The following ENTPD5 variants were observed in gnomAD, a reference collection of about 807,000 sequenced individuals.
ENTPD5 encodes the protein nucleoside diphosphate phosphatase ENTPD5.
A neutral mutation model predicts 60.2 loss-of-function variants in ENTPD5; 49 were observed. The ratio of observed to expected loss-of-function variants is 0.81; its 90% CI spans 0.65 to 1.03. ENTPD5 has a LOEUF of 1.03. ENTPD5 is among the 50% of genes least tolerant of loss of function. The probability of loss-of-function intolerance (pLI) is 0.00; values close to 1 mark genes in which losing one functional copy is unlikely to be tolerated. For missense variants in ENTPD5, 480 were observed against 507.6 expected (o/e 0.95, Z 0.52); for synonymous variants, 187 against 185.4 (o/e 1.01, Z -0.07).
At position 73,964,961 on chromosome 14, in the gene ENTPD5, A is replaced by G. The variant is rs2056913851; in HGVS notation, c.*1967T>C. The G allele has an allele frequency of 6.6e-6, 1 of 152,240 alleles. No individual in the cohort carries two copies. Among genetic ancestry groups the G allele is most frequent in the Non-Finnish European group, 1.5e-5 (1 of 68,032 alleles). 9.4% of individuals were successfully genotyped at this position (152,240 alleles called of 1,614,324 possible). A position where few individuals can be genotyped will look rare whatever the true frequency, so the allele number is the denominator to read the frequency against. On this transcript the variant is annotated 3_prime_UTR_variant, in exon 16 of 16. Coordinates refer to ENST00000334696, the MANE Select transcript of ENTPD5 (RefSeq NM_001249.5). ...TGTTAGAAATTCTAGGGAATTCTGC[A>G]CTGAGTACAACATTGGATTATTTCT... is the stretch of plus-strand genomic sequence containing the variant.
At chr14:74,012,413 C>T (rs1031648385) in intron 2 of ENTPD5, among the ~76,000 whole-genome samples, 2 of 152,136 alleles carry the variant, frequency 1.3e-5, no homozygotes, top group Admixed American at 1.3e-4. Context: ...AGCTGGGACT[C>T]ATTCATCTTT....
chr14:73,966,521 G>A lies in ENTPD5; in HGVS notation c.*407C>T. ...AGGTGGGTGCAGATAAGGGTGGGCA[G>A]GGCACTGTATAGGGAGGAAAAAAAT... On this transcript the variant is annotated 3_prime_UTR_variant, in exon 16 of 16. Transcript: ENST00000334696. The A allele has an allele frequency of 6.5e-6, 1 of 154,902 alleles. No homozygotes were observed. The highest frequency in any genetic ancestry group is 1.4e-5 in the Non-Finnish European group (1 of 69,760). 9.6% of individuals were successfully genotyped at this position (154,902 alleles called of 1,614,324 possible).
chr14:73,986,955 G>A, intron 4 of ENTPD5, 62 bp from the exon 5 acceptor site: 5 of 1,221,382 alleles, frequency 4.1e-6, no homozygotes, highest in Non-Finnish European at 6.1e-6. Flanking sequence ...GGCTGCTTCA[G>A]ATGCTGGGCT....
chr14:73,976,015 T>C lies in ENTPD5; in HGVS notation c.643A>G (p.Lys215Glu). ...CCCCTAGGAGTTTGTTCCAGAGTTT[T>C]CTGCAAATCAGAAAAAGCAAAAAGA... ...TQITFLPQFEKTLEQTPRGYL... is the reference protein window; with the variant it reads ...TQITFLPQFEETLEQTPRGYL... The change falls in exon 10 of 16, where the codon AAA becomes GAA. Residue 215 changes from lysine to glutamate, a missense_variant and splice_region_variant. Transcript: ENST00000334696. The C allele has an allele frequency of 1.9e-6, 3 of 1,612,662 alleles. No individual in the cohort carries two copies. The highest frequency in any genetic ancestry group is 2.5e-6 in the Non-Finnish European group (3 of 1,179,488).
chr14:73,959,384 A>G (rs2056599746), downstream of ENTPD5: 2 of 1,614,042 alleles, frequency 1.2e-6, no homozygotes, highest in Middle Eastern at 1.6e-4. Flanking sequence ...GCAGAGTCTT[A>G]GCCGTTGGTA....
At chr14:74,006,600 A>T (rs11159055) in intron 3 of ENTPD5, among the ~76,000 whole-genome samples, 2,711 of 144,942 alleles carry the variant, frequency 0.019, 78 homozygotes, top group African/African-American at 0.065. Context: ...TTTTTTTTTT[A>T]AATGAGAAGA....
At chr14:73,959,022 A>T (rs925507425), downstream of ENTPD5, 3 of 1,614,056 alleles carry the variant, frequency 1.9e-6, no homozygotes, top group Non-Finnish European at 2.5e-6. Flanking sequence ...TGGAATCCAG[A>T]ATGTGAGCTG....
rs950783450 is a variant in ENTPD5, at chr14:73,998,507, C to G, written c.-70-10335G>C. ...TCCAGAAATTAGCAATTTCTTACTG[C>G]TGCTTACAAGTACAGCACACAAAGA... is the stretch of plus-strand genomic sequence containing the variant. On this transcript the variant is annotated intron_variant, in intron 3 of 15. Transcript: ENST00000334696. Among the ~76,000 whole-genome samples the G allele has an allele frequency of 5.3e-4, 81 of 152,108 alleles. 1 individual carries two copies. Among genetic ancestry groups the G allele is most frequent in the Non-Finnish European group, 1.5e-5 (1 of 68,046 alleles).
chr14:74,004,110 ATAAAT>A (rs2058596273), intron 3 of ENTPD5, among the ~76,000 whole-genome samples: 1 of 152,188 alleles, frequency 6.6e-6, no homozygotes, highest in South Asian at 2.1e-4. Flanking sequence ...GTCTCAAAAA[ATAAAT>A]TAATTAAGTA....
intron 11 of ENTPD5, among the ~76,000 whole-genome samples, chr14:73,974,632 G>A (rs1261366202): frequency 6.6e-6 from 1 of 152,186 alleles, no homozygotes; most frequent in African/African-American, 2.4e-5. Flanking sequence ...AGCTCCTGCT[G>A]AATGTATTCG....
At chr14:73,983,690 TA>T (rs112887780) in intron 5 of ENTPD5, among the ~76,000 whole-genome samples, 56,542 of 144,462 alleles carry the variant, frequency 0.39, 11,987 homozygotes, top group South Asian at 0.5. Context: ...TTATTATTAT[TA>T]TTATTTTTTT....
chr14:73,955,687 C>A, downstream of ENTPD5: 1 of 1,508,460 alleles, frequency 6.6e-7, no homozygotes, highest in African/African-American at 1.4e-5. Context: ...TATTTTCCTA[C>A]CAGAGAGGCT....
chr14:73,971,223 C>A (rs938826187), intron 14 of ENTPD5, among the ~76,000 whole-genome samples: 2 of 151,294 alleles, frequency 1.3e-5, no homozygotes, highest in African/African-American at 2.4e-5. Flanking sequence ...AGTGGCACAA[C>A]CTTGGCTCAC....
intron 3 of ENTPD5, among the ~76,000 whole-genome samples, chr14:73,999,519 G>A (rs1382655676): frequency 6.6e-6 from 1 of 151,850 alleles, no homozygotes; most frequent in Non-Finnish European, 1.5e-5. Flanking sequence ...AGGTAGGCCG[G>A]GCACGGTGGC....
rs534832712 is a variant in ENTPD5, at chr14:74,007,292, A to T, written c.-71+3799T>A. On this transcript the variant is annotated intron_variant, in intron 3 of 15. Transcript: ENST00000334696. ...ATCCCAGCACTTTGGGAGGTCAAGGAGGGCGGATCACGAGGTCAGGAAATC... is the reference window on the plus strand; with the variant it reads ...ATCCCAGCACTTTGGGAGGTCAAGGTGGGCGGATCACGAGGTCAGGAAATC... Among the ~76,000 whole-genome samples the T allele has an allele frequency of 9.2e-5, 14 of 152,226 alleles. No individual in the cohort carries two copies. The East Asian group carries it at 2.3e-3, about 25-fold the overall frequency.
At chr14:73,975,795 G>A (rs890332824) in intron 10 of ENTPD5, 141 bp downstream of exon 10, 7 of 612,320 alleles carry the variant, frequency 1.1e-5, no homozygotes, top group East Asian at 8.5e-5. Flanking sequence ...TAAGTGGACC[G>A]GGTTTCAGTT....
At chr14:74,001,395 G>C (rs1011097696) in intron 3 of ENTPD5, among the ~76,000 whole-genome samples, 1 of 151,774 alleles carries the variant, frequency 6.6e-6, no homozygotes, top group Non-Finnish European at 1.5e-5. Flanking sequence ...CCAGCTACTC[G>C]GGAGGGTTAG....
chr14:73,975,940 G>A lies in ENTPD5; in HGVS notation c.718C>T (p.His240Tyr). Residue 240 changes from histidine to tyrosine, a missense_variant, in exon 10 of 16, where the codon CAT (histidine) becomes TAT (tyrosine). Transcript: ENST00000334696. ...CTTCCCTGTCCCCGTCCTCACCTATGTGTATAGAGCTTATAAGTGCTGTTA... is the reference window on the plus strand; with the variant it reads ...CTTCCCTGTCCCCGTCCTCACCTATATGTATAGAGCTTATAAGTGCTGTTA... ...MFNSTYKLYT[H>Y]SYLGFGLKAA... is the part of the protein sequence containing the mutation. 1.9e-6 allele frequency: 3 copies of A among 1,606,722 alleles called. No homozygotes were observed. The highest frequency in any genetic ancestry group is 2.6e-6 in the Non-Finnish European group (3 of 1,174,228).
chr14:73,974,339 G>C (rs537659107), intron 11 of ENTPD5, among the ~76,000 whole-genome samples: 1 of 152,330 alleles, frequency 6.6e-6, no homozygotes, highest in South Asian at 2.1e-4. Context: ...TGGTTGCTGA[G>C]AGGCTTCAAT....
Sources: gnomAD v4.1 joint callset for allele counts (sites outside exome capture counted in the v4.1 genomes callset) on GRCh38, gnomAD v4.1.1 for gene constraint, MANE v1.5 for transcripts, NCBI Gene and HGNC (gene_info 2026-07-23, HGNC 2026-07-21) for gene names.